Variants in TENM2 observed in about 807,000 individuals in gnomAD.
TENM2 encodes teneurin-2.
In TENM2, 52 loss-of-function variants were observed where a neutral mutation model predicts 245.2. The observed-to-expected ratio is 0.21, with a 90% CI of 0.17 to 0.27. The LOEUF (loss-of-function observed/expected upper bound fraction) is 0.27. TENM2 is among the 10% of genes least tolerant of loss of function. TENM2 has a pLI of 1.00. For missense variants in TENM2, 3,046 were observed against 3,666.8 expected, an observed-to-expected ratio of 0.83 and a Z score of 4.37; for synonymous variants, 1,363 against 1,438.9, an observed-to-expected ratio of 0.95 and a Z score of 1.19.
intron 2 of TENM2, among the ~76,000 whole-genome samples, chr5:167,801,572 C>A (rs376900789): frequency 6.6e-6 from 1 of 151,910 alleles, no homozygotes; most frequent in Non-Finnish European, 1.5e-5. Flanking sequence ...TTGGAGAAGA[C>A]GCAAGAAGAG....
At chr5:167,462,031 T>C (rs910527812) in intron 2 of TENM2, among the ~76,000 whole-genome samples, 4 of 152,130 alleles carry the variant, frequency 2.6e-5, no homozygotes, top group African/African-American at 9.7e-5. Flanking sequence ...AAGAGACAGA[T>C]TGACAATGAA....
the TENM2 span, among the ~76,000 whole-genome samples, chr5:166,988,746 A>G: frequency 2.0e-5 from 3 of 152,178 alleles, no homozygotes; most frequent in Non-Finnish European, 4.4e-5. Flanking sequence ...TGTCCCTCAC[A>G]CTGGAAACCC....
At position 167,318,428 on chromosome 5, in the gene TENM2, A is replaced by ATT. The variant is rs397709104; in HGVS notation, c.226+33378_226+33379dup. ...AATTTAAGAATAGATGAAGTTGTTCATTTTTTTTTTTTTTACACAATTACA... is the reference window on the plus strand; with the variant it reads ...AATTTAAGAATAGATGAAGTTGTTCATTTTTTTTTTTTTTTTACACAATTACA... On this transcript the variant is annotated intron_variant, in intron 1 of 28. Coordinates refer to ENST00000518659, the Ensembl canonical transcript of TENM2. Among the ~76,000 whole-genome samples, 166 of 144,938 alleles carry ATT rather than the reference A, an allele frequency of 1.1e-3. 1 individual carries two copies. Among genetic ancestry groups the ATT allele is most frequent in the African/African-American group, 3.8e-3 (152 of 39,656 alleles).
At chr5:166,981,041 A>T in the TENM2 span, among the ~76,000 whole-genome samples, 1 of 152,206 alleles carries the variant, frequency 6.6e-6, no homozygotes, top group African/African-American at 2.4e-5. Flanking sequence ...TTCAGCCCCA[A>T]AAAACAAAAC....
At chr5:167,815,993 T>C (rs1767024336) in intron 2 of TENM2, among the ~76,000 whole-genome samples, 1 of 151,540 alleles carries the variant, frequency 6.6e-6, no homozygotes. Context: ...TGTGTGTGTG[T>C]GTGTGTGTGT....
intron 3 of TENM2, among the ~76,000 whole-genome samples, chr5:167,879,434 C>A (rs1052792443): frequency 6.6e-6 from 1 of 152,058 alleles, no homozygotes; most frequent in Admixed American, 6.5e-5. Context: ...CGGGTTGCTC[C>A]AGATATGTTT....
chr5:167,342,774 T>G (rs1489026791), intron 1 of TENM2, among the ~76,000 whole-genome samples: 33 of 150,176 alleles, frequency 2.2e-4, no homozygotes, highest in Admixed American at 4.0e-4. Context: ...TGATCCACCC[T>G]CCTCGGCCTC....
At chr5:168,228,231 A>C (rs936425579) in intron 25 of TENM2, 101 bp downstream of exon 27, 1 of 932,638 alleles carries the variant, frequency 1.1e-6, no homozygotes. Flanking sequence ...GTGGGAGGGG[A>C]TATACACTTT....
At chr5:167,499,187 G>A in intron 2 of TENM2, among the ~76,000 whole-genome samples, 1 of 151,986 alleles carries the variant, frequency 6.6e-6, no homozygotes, top group African/African-American at 2.4e-5. Flanking sequence ...TGTATTCTTA[G>A]CATTCTCTTA....
intron 3 of TENM2, among the ~76,000 whole-genome samples, chr5:167,889,315 G>A (rs1024200844): frequency 1.3e-5 from 2 of 152,086 alleles, no homozygotes; most frequent in Admixed American, 1.3e-4. Flanking sequence ...CACTGTGGAC[G>A]GAGGGCTGTG....
At chr5:167,047,919 A>T in the TENM2 span, among the ~76,000 whole-genome samples, 1 of 151,098 alleles carries the variant, frequency 6.6e-6, no homozygotes, top group Non-Finnish European at 1.5e-5. Flanking sequence ...TCTGTGCTTC[A>T]TCACTAGAGA....
intron 1 of TENM2, among the ~76,000 whole-genome samples, chr5:167,317,050 A>G (rs1459203306): frequency 6.6e-6 from 1 of 152,056 alleles, no homozygotes; most frequent in Non-Finnish European, 1.5e-5. Flanking sequence ...TTTTCTTATC[A>G]CATTGATAAC....
At chr5:167,234,560 T>A in the TENM2 span, among the ~76,000 whole-genome samples, 1 of 152,048 alleles carries the variant, frequency 6.6e-6, no homozygotes, top group Non-Finnish European at 1.5e-5. Flanking sequence ...CTTGAAGAGG[T>A]CAACTTGAAA....
At chr5:167,404,294 T>A (rs1762514929) in intron 2 of TENM2, among the ~76,000 whole-genome samples, 1 of 151,884 alleles carries the variant, frequency 6.6e-6, no homozygotes, top group Admixed American at 6.6e-5. Flanking sequence ...CCTGGTGCAT[T>A]TCCCTGAGAA....
chr5:167,777,004 A>C (rs1177017673), intron 2 of TENM2, among the ~76,000 whole-genome samples: 1 of 152,254 alleles, frequency 6.6e-6, no homozygotes, highest in Admixed American at 6.5e-5. Context: ...AGTTCATGCT[A>C]TATTTAACTG....
chr5:167,531,512 C>G (rs889913880), intron 2 of TENM2, among the ~76,000 whole-genome samples: 3 of 151,640 alleles, frequency 2.0e-5, no homozygotes, highest in African/African-American at 7.3e-5. Flanking sequence ...TTAAGATACT[C>G]TCTCAGTAAT....
intron 24 of TENM2, among the ~76,000 whole-genome samples, chr5:168,227,498 C>A (rs991964659): frequency 8.1e-6 from 1 of 122,816 alleles, no homozygotes; most frequent in African/African-American, 3.4e-5. Flanking sequence ...AGGAGGAAAA[C>A]TGAAGTCATT....
the TENM2 span, among the ~76,000 whole-genome samples, chr5:167,170,165 A>T: frequency 6.6e-6 from 1 of 152,238 alleles, no homozygotes; most frequent in Non-Finnish European, 1.5e-5. Context: ...TCAAGAAGGG[A>T]TAAGCATACC....
chr5:167,531,337 A>G lies in TENM2; in HGVS notation c.502+155864A>G, dbSNP rs1771484919. Among the ~76,000 whole-genome samples, 4 of 151,934 alleles carry G rather than the reference A, an allele frequency of 2.6e-5. No homozygotes were observed. In the South Asian group the frequency reaches 8.3e-4, roughly 32 times the overall value. ...GCATACTATCATTTTATTTTATTTC[A>G]CTGTTTTCTATTTTCCCAGCTTTAC... is the stretch of plus-strand genomic sequence containing the variant. On this transcript the variant is annotated intron_variant, in intron 2 of 28. Transcript: ENST00000518659.
Sources: gnomAD v4.1 joint callset for allele counts (sites outside exome capture counted in the v4.1 genomes callset) on GRCh38, gnomAD v4.1.1 for gene constraint, MANE v1.5 for transcripts, NCBI Gene and HGNC (gene_info 2026-07-23, HGNC 2026-07-21) for gene names.